Variants in SLC1A1 observed in about 807,000 individuals in gnomAD.
The protein encoded by SLC1A1 is solute carrier family 1 member 1.
SLC1A1 carries 43 observed loss-of-function variants against 53.3 expected under a neutral mutation model. The observed-to-expected ratio is 0.81, with a 90% CI of 0.63 to 1.04. The LOEUF (loss-of-function observed/expected upper bound fraction) is 1.04, where lower values mean the gene tolerates loss of function less well. Ranked by LOEUF, SLC1A1 falls within the 50% of genes least tolerant of loss-of-function variation. SLC1A1 has a pLI of 0.00. For missense variants in SLC1A1, 748 were observed against 664.9 expected (o/e 1.12, Z -1.37); for synonymous variants, 307 against 243.2 (o/e 1.26, Z -2.44).
At chr9:4,540,506 G>A (rs750801945) in intron 1 of SLC1A1, among the ~76,000 whole-genome samples, 3 of 152,190 alleles carry the variant, frequency 2.0e-5, no homozygotes, top group African/African-American at 4.8e-5. Context: ...CTAAAAGAGC[G>A]CTGACTAAAA....
intron 1 of SLC1A1, among the ~76,000 whole-genome samples, chr9:4,535,995 A>G (rs1816659565): frequency 6.6e-6 from 1 of 152,202 alleles, no homozygotes; most frequent in Non-Finnish European, 1.5e-5. Flanking sequence ...AGCCATATGT[A>G]GAAAGCTGAA....
chr9:4,574,142 T>C (rs1176993460), intron 8 of SLC1A1, 128 bp downstream of exon 8: 3 of 739,984 alleles, frequency 4.1e-6, no homozygotes, highest in African/African-American at 1.7e-5. Context: ...GGTTCAGAGA[T>C]AAGACAGCAG....
intron 10 of SLC1A1, among the ~76,000 whole-genome samples, chr9:4,579,139 C>T (rs1820832071): frequency 6.6e-6 from 1 of 152,166 alleles, no homozygotes; most frequent in Admixed American, 6.5e-5. Context: ...GGGGAACTAT[C>T]CCAATGCTGT....
At position 4,528,575 on chromosome 9, in the gene SLC1A1, C is replaced by A. The variant is rs970010537; in HGVS notation, c.92-15992C>A. 5.3e-5 allele frequency among the ~76,000 whole-genome samples: 8 copies of A among 151,934 alleles called. No homozygotes were observed. The East Asian group carries it at 1.6e-3, about 29-fold the overall frequency. On this transcript the variant is annotated intron_variant, in intron 1 of 11. Coordinates refer to ENST00000262352, the MANE Select transcript of SLC1A1 (RefSeq NM_004170.6). ...TGGGAGACAGAGCAGGACTCCGTCT[C>A]AAAAAACAAACAAACAAAAAAATGC...
chr9:4,582,983 G>T, intron 10 of SLC1A1, 55 bp from the exon 11 acceptor site: 3 of 1,611,094 alleles, frequency 1.9e-6, no homozygotes, highest in Non-Finnish European at 2.5e-6. Flanking sequence ...TCAGGCCAGG[G>T]CTTTAACGGG....
intron 1 of SLC1A1, among the ~76,000 whole-genome samples, chr9:4,504,375 A>T (rs1273952785): frequency 6.6e-6 from 1 of 152,152 alleles, no homozygotes; most frequent in Non-Finnish European, 1.5e-5. Context: ...CTGTCTGGAG[A>T]TTATTTCTAT....
At chr9:4,541,113 T>C (rs895051918) in intron 1 of SLC1A1, among the ~76,000 whole-genome samples, 1 of 152,226 alleles carries the variant, frequency 6.6e-6, no homozygotes, top group African/African-American at 2.4e-5. Flanking sequence ...GTACTTAGTT[T>C]ACTTTTGAGA....
intron 1 of SLC1A1, among the ~76,000 whole-genome samples, chr9:4,508,820 GT>G (rs1248339696): frequency 6.6e-6 from 1 of 152,168 alleles, no homozygotes; most frequent in African/African-American, 2.4e-5. Flanking sequence ...TGCAGTCCTG[GT>G]TCGGCTCAAT....
intron 1 of SLC1A1, among the ~76,000 whole-genome samples, chr9:4,508,579 GGAGAACATCTCACAAGTC>G: frequency 6.6e-6 from 1 of 152,180 alleles, no homozygotes; most frequent in Non-Finnish European, 1.5e-5. Flanking sequence ...CATTGTAAAA[GGAGAACATCTCACAAGTC>G]AGGAGTTACT....
intron 1 of SLC1A1, among the ~76,000 whole-genome samples, chr9:4,507,779 C>T (rs1277084756): frequency 1.3e-5 from 2 of 152,104 alleles, no homozygotes; most frequent in Admixed American, 6.6e-5. Context: ...CCAGGATGAT[C>T]GGCCACCTTC....
At chr9:4,495,428 A>C (rs1820381927) in intron 1 of SLC1A1, among the ~76,000 whole-genome samples, 1 of 152,152 alleles carries the variant, frequency 6.6e-6, no homozygotes, top group Non-Finnish European at 1.5e-5. Context: ...AATAGAATAC[A>C]TAGGTAACCT....
intron 2 of SLC1A1, among the ~76,000 whole-genome samples, chr9:4,554,999 A>C (rs1818243332): frequency 6.6e-6 from 1 of 152,210 alleles, no homozygotes; most frequent in Non-Finnish European, 1.5e-5. Flanking sequence ...TAATCCTCAC[A>C]ACAGCTACGC....
intron 5 of SLC1A1, 35 bp downstream of exon 5, chr9:4,566,124 C>G (rs780980559): frequency 6.4e-7 from 1 of 1,561,558 alleles, no homozygotes; most frequent in South Asian, 1.1e-5. Flanking sequence ...AACTTGCTAC[C>G]CTCTTCCCAT....
rs953734137 is a variant in SLC1A1, at chr9:4,583,516, A to G, written c.1328+344A>G. On this transcript the variant is annotated intron_variant, in intron 11 of 11. Coordinates refer to ENST00000262352, the MANE Select transcript of SLC1A1 (RefSeq NM_004170.6). The surrounding 1 kb of genome is among the most constrained non-coding windows in gnomAD (Gnocchi z 4.6). ...CCTATCCCAGCCCTGGTTCAGCATC[A>G]TAGGCTCAGAACCACCTAGTTCAAA... Among the ~76,000 whole-genome samples the G allele has an allele frequency of 6.6e-6, 1 of 152,166 alleles. No homozygotes were observed. Among genetic ancestry groups the G allele is most frequent in the Non-Finnish European group, 1.5e-5 (1 of 68,032 alleles).
intron 10 of SLC1A1, among the ~76,000 whole-genome samples, chr9:4,577,354 T>C (rs1469347145): frequency 2.6e-5 from 4 of 152,222 alleles, no homozygotes; most frequent in South Asian, 4.1e-4. Flanking sequence ...AAAGGATACA[T>C]AAACATTCCT....
rs542813803 is a variant in SLC1A1, at chr9:4,490,495, G to C, written c.-185G>C. ...AAAACTACCGGGCTGGCAGGGCGGC[G>C]GGCGCGGTGCGCGATCCCGGGTGGC... is the stretch of plus-strand genomic sequence containing the variant. On this transcript the variant is annotated 5_prime_UTR_variant, in exon 1 of 12. Transcript: ENST00000262352. The C allele has an allele frequency of 1.4e-4, 55 of 380,986 alleles. No homozygotes were observed. The Admixed American group carries it at 2.0e-3, about 14-fold the overall frequency. 23.6% of individuals were successfully genotyped at this position (380,986 alleles called of 1,614,324 possible). A position where few individuals can be genotyped will look rare whatever the true frequency, so the allele number is the denominator to read the frequency against.
At chr9:4,517,910 A>C (rs1815917881) in intron 1 of SLC1A1, among the ~76,000 whole-genome samples, 1 of 151,944 alleles carries the variant, frequency 6.6e-6, no homozygotes, top group Non-Finnish European at 1.5e-5. Context: ...AAATTGTTGA[A>C]ATGTATTTCA....
Position 4,498,234 on chromosome 9 carries a change from T to A in SLC1A1, c.91+7464T>A, listed in dbSNP as rs150909800. On this transcript the variant is annotated intron_variant, in intron 1 of 11. Coordinates refer to ENST00000262352, the MANE Select transcript of SLC1A1 (RefSeq NM_004170.6). ...AAAATGACCTAGACATTGAGTCAAC[T>A]GTTCTGTGTTTGAACTGCTGATCAG... is the stretch of plus-strand genomic sequence containing the variant. Among the ~76,000 whole-genome samples the A allele has an allele frequency of 9.1e-3, 1,380 of 152,334 alleles. 10 individuals carry two copies. Among genetic ancestry groups the A allele is most frequent in the African/African-American group, 0.03 (1,250 of 41,554 alleles).
rs181372637 is a variant in SLC1A1 at position 4,529,484 on chromosome 9, T to A, written c.92-15083T>A. Reference sequence around the variant, plus strand: ...CTTCCATCCTTAAGGGCAGGGGACATGCATCCAGCTGTCTTTGTAGTCACA... The same window carrying A: ...CTTCCATCCTTAAGGGCAGGGGACAAGCATCCAGCTGTCTTTGTAGTCACA... On this transcript the variant is annotated intron_variant, in intron 1 of 11. Coordinates refer to ENST00000262352, the MANE Select transcript of SLC1A1 (RefSeq NM_004170.6). Among the ~76,000 whole-genome samples the A allele has an allele frequency of 2.0e-5, 3 of 152,292 alleles. No homozygotes were observed. The East Asian group carries it at 5.8e-4, about 29-fold the overall frequency.
Sources: gnomAD v4.1 joint callset for allele counts (sites outside exome capture counted in the v4.1 genomes callset) on GRCh38, gnomAD v4.1.1 for gene constraint, Gnocchi (gnomAD v3.1) non-coding constraint, MANE v1.5 for transcripts, NCBI Gene and HGNC (gene_info 2026-07-23, HGNC 2026-07-21) for gene names.